Variants in NPAS2 observed in about 807,000 individuals in gnomAD.
NPAS2 encodes neuronal PAS domain protein 2.
In NPAS2, 23 loss-of-function variants were observed where a neutral mutation model predicts 107.5. The ratio of observed to expected loss-of-function variants is 0.21; its 90% CI spans 0.15 to 0.30. The LOEUF (loss-of-function observed/expected upper bound fraction) is 0.30, where lower values mean the gene tolerates loss of function less well. NPAS2 is among the 10% of genes least tolerant of loss of function. The pLI is 1.00. For missense variants in NPAS2, 756 were observed against 1,043.3 expected (o/e 0.72, Z 3.79); for synonymous variants, 403 against 417.5 (o/e 0.97, Z 0.42).
chr2:100,890,464 C>T (rs757168809), intron 1 of NPAS2, among the ~76,000 whole-genome samples: 3 of 152,224 alleles, frequency 2.0e-5, no homozygotes, highest in East Asian at 1.9e-4. Flanking sequence ...CGGGGAATCT[C>T]GGGGCAAGGA....
At position 100,820,997 on chromosome 2, in the gene NPAS2, C is replaced by G. The variant is rs763439368; in HGVS notation, c.-23+583C>G. ...GGCTCCTCACGTCGCTGCCGCCCCC[C>G]CACCCCAACTCCGGAGCTCCCCAGG... On this transcript the variant is annotated intron_variant, in intron 1 of 20. Transcript: ENST00000335681. This position sits in a 1 kb window ranked among gnomAD's most constrained non-coding sequence, Gnocchi z 5.6. The G allele has an allele frequency of 3.9e-6, 5 of 1,281,582 alleles. No individual in the cohort carries two copies. The South Asian group carries it at 5.1e-5, about 13-fold the overall frequency. 79.4% of individuals were successfully genotyped at this position (1,281,582 alleles called of 1,614,324 possible). A position where few individuals can be genotyped will look rare whatever the true frequency, so the allele number is the denominator to read the frequency against.
At chr2:100,914,310 G>A (rs1216964030) in intron 2 of NPAS2, among the ~76,000 whole-genome samples, 2 of 152,126 alleles carry the variant, frequency 1.3e-5, no homozygotes, top group African/African-American at 2.4e-5. Flanking sequence ...GCTAGGACTC[G>A]CTTGGATCCT....
intron 15 of NPAS2, among the ~76,000 whole-genome samples, chr2:100,978,221 G>A (rs1573779443): frequency 6.6e-6 from 1 of 152,182 alleles, no homozygotes; most frequent in East Asian, 1.9e-4. Context: ...TGACCTCATA[G>A]TTTAGCTCCC....
At chr2:100,974,300 A>AAG (rs1196385439) in intron 12 of NPAS2, among the ~76,000 whole-genome samples, 1 of 152,170 alleles carries the variant, frequency 6.6e-6, no homozygotes, top group Non-Finnish European at 1.5e-5. Context: ...GAGAGGTCGA[A>AAG]AGACAGGAGA....
At chr2:100,904,931 A>C (rs991302507) in intron 2 of NPAS2, 145 bp downstream of exon 2, 21 of 659,710 alleles carry the variant, frequency 3.2e-5, no homozygotes, top group Non-Finnish European at 5.7e-5. Context: ...GACATATTGC[A>C]GTGCTCCATG....
chr2:100,875,539 G>C (rs1296372595), intron 1 of NPAS2, among the ~76,000 whole-genome samples: 1 of 151,098 alleles, frequency 6.6e-6, no homozygotes, highest in African/African-American at 2.5e-5. Flanking sequence ...TGAGCATGAT[G>C]CCCCAGTGTT....
At chr2:100,871,384 G>C (rs1403173146) in intron 1 of NPAS2, among the ~76,000 whole-genome samples, 1 of 146,368 alleles carries the variant, frequency 6.8e-6, no homozygotes, top group East Asian at 2.0e-4. Flanking sequence ...AGGCTGAAGT[G>C]CAGTGATGTG....
chr2:100,943,366 T>G (rs1419399544), intron 5 of NPAS2, among the ~76,000 whole-genome samples: 1 of 152,258 alleles, frequency 6.6e-6, no homozygotes, highest in African/African-American at 2.4e-5. Context: ...CTCAGGTATT[T>G]GGACATCCTC....
chr2:100,855,291 A>C (rs2104498698), intron 1 of NPAS2, among the ~76,000 whole-genome samples: 1 of 152,242 alleles, frequency 6.6e-6, no homozygotes, highest in East Asian at 1.9e-4. Flanking sequence ...TGGGGGTTTC[A>C]GTGAGTCATT....
At chr2:100,943,846 C>T (rs1032609539) in intron 5 of NPAS2, among the ~76,000 whole-genome samples, 1 of 152,170 alleles carries the variant, frequency 6.6e-6, no homozygotes, top group African/African-American at 2.4e-5. Flanking sequence ...GAGGCCCTTC[C>T]AATTTTACCA....
At chr2:100,845,875 C>T (rs1677741476) in intron 1 of NPAS2, among the ~76,000 whole-genome samples, 1 of 152,214 alleles carries the variant, frequency 6.6e-6, no homozygotes, top group Non-Finnish European at 1.5e-5. Context: ...TCTCAGCTCT[C>T]ACCTGGTTCC....
intron 1 of NPAS2, among the ~76,000 whole-genome samples, chr2:100,837,511 C>T (rs887941822): frequency 2.3e-4 from 35 of 152,052 alleles, no homozygotes; most frequent in African/African-American, 8.5e-4. Context: ...CGAGGTTTCT[C>T]CATGTTGGCC....
At chr2:100,917,217 A>G (rs957242155) in intron 2 of NPAS2, among the ~76,000 whole-genome samples, 1 of 152,222 alleles carries the variant, frequency 6.6e-6, no homozygotes, top group Admixed American at 6.5e-5. Flanking sequence ...AAAATCAACT[A>G]AACTAAAAGG....
At position 100,995,792 on chromosome 2, in the gene NPAS2, C is replaced by T. The variant is rs1248510990; in HGVS notation, c.*210C>T. 5.2e-6 allele frequency: 8 copies of T among 1,547,482 alleles called. No individual in the cohort carries two copies. In the African/African-American group the frequency reaches 5.5e-5, roughly 11 times the overall value. On this transcript the variant is annotated 3_prime_UTR_variant, in exon 21 of 21. Coordinates refer to ENST00000335681, the MANE Select transcript of NPAS2 (RefSeq NM_002518.4). The stretch of plus-strand genomic sequence containing the variant: ...ATACTGACCGTGTTTCTCTTGCCTC[C>T]GAGGTTCTTGGGCACACTCTATAGC...
At chr2:100,972,228 G>C (rs139235843) in intron 12 of NPAS2, among the ~76,000 whole-genome samples, 8 of 152,182 alleles carry the variant, frequency 5.3e-5, no homozygotes, top group African/African-American at 1.9e-4. Context: ...GATTACAGGC[G>C]TGAGCCACTG....
intron 7 of NPAS2, among the ~76,000 whole-genome samples, chr2:100,961,285 A>C (rs987952290): frequency 6.6e-6 from 1 of 152,236 alleles, no homozygotes; most frequent in Non-Finnish European, 1.5e-5. Flanking sequence ...TAGAATATGC[A>C]AGAAGACTCG....
intron 1 of NPAS2, among the ~76,000 whole-genome samples, chr2:100,853,605 A>G (rs972937629): frequency 5.3e-5 from 8 of 152,188 alleles, no homozygotes; most frequent in Admixed American, 3.9e-4. Context: ...CAGGCTTTTC[A>G]CATGGTTCAC....
At chr2:100,929,370 C>A (rs1470838312) in intron 3 of NPAS2, among the ~76,000 whole-genome samples, 3 of 152,210 alleles carry the variant, frequency 2.0e-5, no homozygotes, top group Non-Finnish European at 4.4e-5. Flanking sequence ...AAGGGGTGAT[C>A]TACAGGGCTT....
chr2:100,850,037 AGC>A (rs71904383), intron 1 of NPAS2, among the ~76,000 whole-genome samples: 6,584 of 79,006 alleles, frequency 0.083, 456 homozygotes, highest in East Asian at 0.32. Context: ...AAAAAAAAAA[AGC>A]AAGAGAAAAT....
Sources: gnomAD v4.1 joint callset for allele counts (sites outside exome capture counted in the v4.1 genomes callset) on GRCh38, gnomAD v4.1.1 for gene constraint, Gnocchi (gnomAD v3.1) non-coding constraint, MANE v1.5 for transcripts, NCBI Gene and HGNC (gene_info 2026-07-23, HGNC 2026-07-21) for gene names.